The following HSPA14 variants were observed in gnomAD, a reference collection of about 807,000 sequenced individuals.
HSPA14 encodes the protein heat shock protein family A (Hsp70) member 14.
HSPA14 carries 37 observed loss-of-function variants against 65.5 expected under a neutral mutation model. That is an observed-to-expected ratio of 0.56 (90% CI 0.43 to 0.74). The LOEUF (loss-of-function observed/expected upper bound fraction) is 0.74. Among genes scored for constraint, HSPA14 ranks in the 30% least tolerant of loss-of-function variants. The pLI, the probability that HSPA14 is intolerant of heterozygous loss-of-function variation, is 0.00. For missense variants in HSPA14, 564 were observed against 607.6 expected (o/e 0.93, Z 0.75); for synonymous variants, 203 against 214.2 (o/e 0.95, Z 0.46).
chr10:14,846,299 A>G (rs754571818), intron 3 of HSPA14: 134 of 985,252 alleles, frequency 1.4e-4, no homozygotes, highest in Non-Finnish European at 1.6e-4. Context: ...GTATTCTATA[A>G]ATCTATTAAT....
chr10:14,868,520 C>T (rs1832826472), intron 12 of HSPA14, among the ~76,000 whole-genome samples: 1 of 152,092 alleles, frequency 6.6e-6, no homozygotes, highest in Non-Finnish European at 1.5e-5. Flanking sequence ...CACACACACA[C>T]ACACACGGAC....
At chr10:14,853,228 T>G (rs941474437) in intron 8 of HSPA14, among the ~76,000 whole-genome samples, 2 of 152,244 alleles carry the variant, frequency 1.3e-5, no homozygotes, top group Non-Finnish European at 2.9e-5. Flanking sequence ...GTTGTTTAAA[T>G]GAAGTCATTG....
chr10:14,843,371 G>T, intron 3 of HSPA14: 1 of 1,550,714 alleles, frequency 6.4e-7, no homozygotes, highest in South Asian at 1.2e-5. Context: ...TGTTTTTCAG[G>T]GTGCTCTCAA....
intron 12 of HSPA14, among the ~76,000 whole-genome samples, chr10:14,869,298 T>C (rs1456270510): frequency 6.6e-6 from 1 of 151,162 alleles, no homozygotes; most frequent in Non-Finnish European, 1.5e-5. Context: ...ACATATTTAT[T>C]TTAATTTTTT....
chr10:14,858,484 G>A (rs1409928557), intron 10 of HSPA14, among the ~76,000 whole-genome samples: 1 of 152,214 alleles, frequency 6.6e-6, no homozygotes, highest in Non-Finnish European at 1.5e-5. Flanking sequence ...GCGGTTTTCT[G>A]CAACACTTAG....
chr10:14,838,444 T>G lies in HSPA14; in HGVS notation c.42T>G (p.Cys14Trp). The G allele has an allele frequency of 6.2e-7, 1 of 1,606,046 alleles. No individual in the cohort carries two copies. The highest frequency in any genetic ancestry group is 8.5e-7 in the Non-Finnish European group (1 of 1,178,318). The part of the protein sequence containing the change: ...IGVHLGCTSA[C>W]VAVYKDGRAG... The stretch of plus-strand genomic sequence containing the variant: ...TTCACCTGGGCTGCACCTCAGCCTG[T>G]GTGGCCGTCTATAAGGTGAGGGGCT... The change falls in exon 1 of 14, where the codon TGT becomes TGG. Residue 14 changes from cysteine to tryptophan, a missense_variant. Physicochemically the swap from Cys to Trp is radical, Grantham distance 215 (BLOSUM62 -2). Transcript: ENST00000378372.
At chr10:14,863,561 T>C (rs949181496) in intron 10 of HSPA14, among the ~76,000 whole-genome samples, 1 of 152,202 alleles carries the variant, frequency 6.6e-6, no homozygotes, top group African/African-American at 2.4e-5. Context: ...GCTTAGTCCT[T>C]TTCTAATGTT....
At chr10:14,866,629 C>T (rs954701306) in intron 10 of HSPA14, among the ~76,000 whole-genome samples, 3 of 152,042 alleles carry the variant, frequency 2.0e-5, no homozygotes, top group Non-Finnish European at 2.9e-5. Flanking sequence ...TAATATTCTT[C>T]CATGGTAAAG....
In HSPA14 at chr10:14,842,789, G is replaced by A. The variant is rs1833991598; in HGVS notation, c.221+2632G>A. On this transcript the variant is annotated intron_variant, in intron 3 of 13. Transcript: ENST00000378372. The surrounding 1 kb of genome is among the most constrained non-coding windows in gnomAD (Gnocchi z 5.2). ...TGAGGATTGTCAGCTAAGAATCAGT[G>A]ACCGGATACGAGAAACCAGTGACCT... 6.5e-7 allele frequency: 1 copy of A among 1,536,230 alleles called. No individual in the cohort carries two copies. The highest frequency in any genetic ancestry group is 1.2e-5 in the South Asian group (1 of 84,030).
At chr10:14,843,859 T>C (rs763353560) in intron 3 of HSPA14, 13 of 1,536,224 alleles carry the variant, frequency 8.5e-6, no homozygotes, top group South Asian at 7.1e-5. Flanking sequence ...CCTTGAAAAA[T>C]TGCTTCAGAG....
rs1037226059 is a variant in HSPA14 at position 14,848,951 on chromosome 10, T to G, written c.376+56T>G. 4.1e-6 allele frequency: 4 copies of G among 977,226 alleles called. No homozygotes were observed. The African/African-American group carries it at 6.6e-5, about 16-fold the overall frequency. The allele number at this position is 977,226 out of a possible 1,614,324, so 60.5% of individuals were successfully genotyped here. A position where few individuals can be genotyped will look rare whatever the true frequency, so the allele number is the denominator to read the frequency against. The stretch of plus-strand genomic sequence containing the variant: ...TTTAATGATCTTTTGAAAGTTGACC[T>G]TAAAAAAAAAGTTAGAGGTATTTTT... On this transcript the variant is annotated intron_variant, in intron 5 of 13. Coordinates refer to ENST00000378372, the MANE Select transcript of HSPA14 (RefSeq NM_016299.4).
intron 3 of HSPA14, among the ~76,000 whole-genome samples, chr10:14,841,516 TAC>T (rs1833970884): frequency 6.6e-6 from 1 of 152,202 alleles, no homozygotes; most frequent in South Asian, 2.1e-4. Context: ...AAAATTATAG[TAC>T]AGTGTCACAA....
At chr10:14,855,585 A>T (rs183276700) in intron 9 of HSPA14, among the ~76,000 whole-genome samples, 281 of 152,252 alleles carry the variant, frequency 1.8e-3, no homozygotes, top group African/African-American at 6.4e-3. Flanking sequence ...ATGGGCTTTC[A>T]CTTGAATTTG....
In HSPA14 at chr10:14,867,181, T is replaced by C; in HGVS notation, c.1092T>C (p.Asp364=). ...AGCTTCTCAATTCTATCCCTCCTGA[T>C]GAAGTGATCCCTATTGGTGCAGCTA... ...AVELLNSIPP[D]EVIPIGAAIE... The change falls in exon 11 of 14, where the codon GAT becomes GAC. Residue 364 remains aspartate, a synonymous_variant. Transcript: ENST00000378372. 6.2e-7 allele frequency: 1 copy of C among 1,613,280 alleles called. No homozygotes were observed. Among genetic ancestry groups the C allele is most frequent in the East Asian group, 2.2e-5 (1 of 44,808 alleles).
At chr10:14,862,010 CA>C (rs1209126963) in intron 10 of HSPA14, among the ~76,000 whole-genome samples, 92 of 119,702 alleles carry the variant, frequency 7.7e-4, no homozygotes, top group Non-Finnish European at 6.6e-4. Flanking sequence ...GACTCTGTCT[CA>C]AAAAAAAAAA....
Position 14,842,183 on chromosome 10 carries a change from G to A in HSPA14, c.221+2026G>A, listed in dbSNP as rs1588806020. ...GCTTCTCAGCAATTATCCCTGAGAG[G>A]GAAGATCCTGGAGATATCCTGAGAG... On this transcript the variant is annotated intron_variant, in intron 3 of 13. Transcript: ENST00000378372. The surrounding 1 kb of genome is among the most constrained non-coding windows in gnomAD (Gnocchi z 5.2). The A allele has an allele frequency of 5.2e-6, 8 of 1,535,014 alleles. No individual in the cohort carries two copies. Among genetic ancestry groups the A allele is most frequent in the African/African-American group, 1.4e-5 (1 of 73,042 alleles).
chr10:14,839,138 C>A (rs568079027), intron 1 of HSPA14, among the ~76,000 whole-genome samples: 200 of 152,316 alleles, frequency 1.3e-3, no homozygotes, highest in African/African-American at 4.6e-3. Flanking sequence ...GAGAGCCTGA[C>A]AGGACTTGTG....
intron 9 of HSPA14, 48 bp from the exon 10 acceptor site, chr10:14,855,793 T>C: frequency 1.0e-6 from 1 of 976,994 alleles, no homozygotes; most frequent in Non-Finnish European, 1.6e-6. Flanking sequence ...TTTATCTTTC[T>C]CTTGTCCCTG....
At chr10:14,871,235 G>C (rs1832851708) in intron 13 of HSPA14, among the ~76,000 whole-genome samples, 1 of 152,090 alleles carries the variant, frequency 6.6e-6, no homozygotes, top group Non-Finnish European at 1.5e-5. Context: ...GGTGCATCTG[G>C]AGCTTATATA....
Sources: gnomAD v4.1 joint callset for allele counts (sites outside exome capture counted in the v4.1 genomes callset) on GRCh38, gnomAD v4.1.1 for gene constraint, Gnocchi (gnomAD v3.1) non-coding constraint, MANE v1.5 for transcripts, NCBI Gene and HGNC (gene_info 2026-07-23, HGNC 2026-07-21) for gene names.